PDE1A: variants seen among roughly 807,000 people sequenced by gnomAD.
The protein encoded by PDE1A is phosphodiesterase 1A.
Under a neutral mutation model 61.7 loss-of-function variants are expected in PDE1A, and 35 were observed. The ratio of observed to expected loss-of-function variants is 0.57; its 90% CI spans 0.43 to 0.75. PDE1A has a LOEUF of 0.75. PDE1A is among the 30% of genes least tolerant of loss of function. The pLI, the probability that PDE1A is intolerant of heterozygous loss-of-function variation, is 0.00. For missense variants in PDE1A, 597 were observed against 630.6 expected, an observed-to-expected ratio of 0.95 and a Z score of 0.57; for synonymous variants, 232 against 213.2, an observed-to-expected ratio of 1.09 and a Z score of -0.77.
intron 2 of PDE1A, among the ~76,000 whole-genome samples, chr2:182,521,500 A>T (rs973814729): frequency 4.6e-5 from 7 of 152,126 alleles, no homozygotes; most frequent in African/African-American, 1.7e-4. Context: ...AAGATAAAGC[A>T]TACAAACAGT....
intron 13 of PDE1A, among the ~76,000 whole-genome samples, chr2:182,155,006 C>A (rs997730572): frequency 6.7e-6 from 1 of 149,778 alleles, no homozygotes; most frequent in African/African-American, 2.5e-5. Flanking sequence ...AAATCTCTCA[C>A]CTATAATTTT....
intron 2 of PDE1A, among the ~76,000 whole-genome samples, chr2:182,464,774 G>C (rs1265241512): frequency 1.3e-5 from 2 of 152,010 alleles, no homozygotes; most frequent in Non-Finnish European, 2.9e-5. Context: ...TCAGCAGTAA[G>C]GAGGGATTCT....
the PDE1A span, among the ~76,000 whole-genome samples, chr2:182,647,466 G>A: frequency 1.3e-5 from 2 of 152,064 alleles, no homozygotes; most frequent in African/African-American, 4.8e-5. Context: ...TATGTGCTTT[G>A]TTTTTATAAT....
chr2:182,218,417 A>C (rs937088681), intron 7 of PDE1A, among the ~76,000 whole-genome samples: 2 of 72,072 alleles, frequency 2.8e-5, no homozygotes, highest in African/African-American at 1.0e-4. Context: ...CTTAAAGTAT[A>C]ATAAAAAATT....
the PDE1A span, among the ~76,000 whole-genome samples, chr2:182,589,269 GAGGAAGGAAGGAAGGAAGGA>G: frequency 6.6e-5 from 8 of 121,852 alleles, no homozygotes; most frequent in Non-Finnish European, 1.4e-4. Flanking sequence ...GGGAGGGAGG[GAGGAAGGAAGGAAGGAAGGA>G]AGGAAGGAAG....
the PDE1A span, among the ~76,000 whole-genome samples, chr2:182,551,942 T>C: frequency 2.0e-5 from 3 of 152,220 alleles, no homozygotes; most frequent in Non-Finnish European, 4.4e-5. Context: ...TCTATTTCTA[T>C]ACTCAGAGAA....
the PDE1A span, among the ~76,000 whole-genome samples, chr2:182,558,933 T>C: frequency 6.6e-6 from 1 of 152,146 alleles, no homozygotes; most frequent in Non-Finnish European, 1.5e-5. Flanking sequence ...TTGAGGAACG[T>C]TTTTTCTCCT....
intron 1 of PDE1A, among the ~76,000 whole-genome samples, chr2:182,336,170 G>T (rs1474963100): frequency 1.3e-5 from 2 of 152,180 alleles, no homozygotes; most frequent in African/African-American, 2.4e-5. Context: ...ACTGTTGGTG[G>T]CAGAGTAGAT....
At position 182,216,287 on chromosome 2, in the gene PDE1A, A is replaced by G. The variant is rs1261217206; in HGVS notation, c.776+7577T>C. On this transcript the variant is annotated intron_variant, in intron 7 of 13. Coordinates refer to ENST00000351439, the Ensembl canonical transcript of PDE1A. ...TATTTCAAAATAGTAAGAGCTATCT[A>G]TGACAAACCCACAGCCAATATCATA... Among the ~76,000 whole-genome samples the G allele has an allele frequency of 1.1e-4, 7 of 60,996 alleles. 1 individual carries two copies. Among genetic ancestry groups the G allele is most frequent in the Non-Finnish European group, 2.3e-4 (7 of 30,610 alleles). 40.0% of individuals were successfully genotyped at this position (60,996 alleles called of 152,430 possible). A position where few individuals can be genotyped will look rare whatever the true frequency, so the allele number is the denominator to read the frequency against.
intron 1 of PDE1A, among the ~76,000 whole-genome samples, chr2:182,354,356 G>A (rs192522198): frequency 1.3e-5 from 2 of 152,156 alleles, no homozygotes; most frequent in East Asian, 3.9e-4. Flanking sequence ...GCGAGAACAG[G>A]GGCACATCCT....
the PDE1A span, among the ~76,000 whole-genome samples, chr2:182,575,813 A>G: frequency 6.8e-6 from 1 of 146,776 alleles, no homozygotes; most frequent in Non-Finnish European, 1.5e-5. Context: ...ATTATTAATT[A>G]CTTAGTCTTT....
rs1337907483 is a variant in PDE1A at position 182,426,598 on chromosome 2, AT to A, written c.32del (p.His11LeufsTer9). On this transcript the variant is annotated frameshift_variant, in exon 1 of 14. Coordinates refer to ENST00000351439, the Ensembl canonical transcript of PDE1A. LOFTEE classifies it high-confidence loss of function. ...CTTACCTAAAGATGGGTCTTTGGAG[AT>A]GTTTCTTCCTGATTGTGACATGGTC... is the stretch of plus-strand genomic sequence containing the variant. 6.2e-7 allele frequency: 1 copy of A among 1,611,834 alleles called. No homozygotes were observed. Among genetic ancestry groups the A allele is most frequent in the Non-Finnish European group, 8.5e-7 (1 of 1,179,026 alleles).
the PDE1A span, among the ~76,000 whole-genome samples, chr2:182,688,923 G>C: frequency 6.6e-6 from 1 of 151,948 alleles, no homozygotes; most frequent in Non-Finnish European, 1.5e-5. Context: ...AGATCAAAAG[G>C]ACAAAGAAGG....
intron 1 of PDE1A, among the ~76,000 whole-genome samples, chr2:182,341,145 A>C (rs1284340934): frequency 6.6e-6 from 1 of 152,234 alleles, no homozygotes; most frequent in Non-Finnish European, 1.5e-5. Context: ...CAACACTTTC[A>C]ATCCCAATTC....
intron 2 of PDE1A, among the ~76,000 whole-genome samples, chr2:182,504,012 G>GT (rs1336065392): frequency 1.3e-5 from 2 of 152,162 alleles, no homozygotes; most frequent in African/African-American, 4.8e-5. Context: ...GTTTTTAAAA[G>GT]TATCAGTATA....
chr2:182,702,622 A>G, the PDE1A span, among the ~76,000 whole-genome samples: 1 of 152,228 alleles, frequency 6.6e-6, no homozygotes, highest in Admixed American at 6.5e-5. Flanking sequence ...ATTTTTCATA[A>G]TTATAAAAGT....
chr2:182,290,347 G>A (rs1694446203), intron 1 of PDE1A, among the ~76,000 whole-genome samples: 1 of 152,062 alleles, frequency 6.6e-6, no homozygotes, highest in Non-Finnish European at 1.5e-5. Context: ...TAAATGTTTA[G>A]TAATATCCAA....
At chr2:182,691,917 G>A in the PDE1A span, among the ~76,000 whole-genome samples, 4 of 151,948 alleles carry the variant, frequency 2.6e-5, no homozygotes, top group Admixed American at 2.0e-4. Flanking sequence ...CAACAGACAC[G>A]AAAAAATGCT....
At chr2:182,352,900 A>C (rs1698971130) in intron 1 of PDE1A, among the ~76,000 whole-genome samples, 1 of 152,250 alleles carries the variant, frequency 6.6e-6, no homozygotes. Flanking sequence ...CATTAAAAAA[A>C]ATAAATCAAC....
Sources: gnomAD v4.1 joint callset for allele counts (sites outside exome capture counted in the v4.1 genomes callset) on GRCh38, gnomAD v4.1.1 for gene constraint, MANE v1.5 for transcripts, NCBI Gene and HGNC (gene_info 2026-07-23, HGNC 2026-07-21) for gene names.